Variants in RYR3 observed in about 807,000 individuals in gnomAD.
RYR3 encodes brain ryanodine receptor-calcium release channel.
RYR3 carries 207 observed loss-of-function variants against 584.3 expected under a neutral mutation model. The observed-to-expected ratio is 0.35, with a 90% CI of 0.32 to 0.40. The LOEUF (loss-of-function observed/expected upper bound fraction) is 0.40. Among genes scored for constraint, RYR3 ranks in the 10% least tolerant of loss-of-function variants. The pLI is 1.00. For synonymous variants in RYR3, 2,416 were observed against 2,248.5 expected (o/e 1.07, Z -2.11); for missense variants, 5,616 against 6,089.2 (o/e 0.92, Z 2.59).
intron 72 of RYR3, among the ~76,000 whole-genome samples, chr15:33,811,578 TG>T (rs1240846006): frequency 2.0e-5 from 3 of 152,094 alleles, no homozygotes; most frequent in Non-Finnish European, 4.4e-5. Flanking sequence ...TTTGTTTGTT[TG>T]TTTTTGCCCT....
At chr15:33,549,453 A>G (rs940929231) in intron 9 of RYR3, among the ~76,000 whole-genome samples, 4 of 152,366 alleles carry the variant, frequency 2.6e-5, no homozygotes, top group Admixed American at 6.5e-5. Context: ...AGTATTTTGC[A>G]TATGAGCAAA....
intron 18 of RYR3, among the ~76,000 whole-genome samples, chr15:33,610,488 T>G (rs984771231): frequency 6.6e-6 from 1 of 152,152 alleles, no homozygotes; most frequent in Non-Finnish European, 1.5e-5. Context: ...ATCTGGCACA[T>G]AGGAGAGCCT....
At chr15:33,825,792 G>A in intron 82 of RYR3, 116 bp downstream of exon 82, 1 of 651,162 alleles carries the variant, frequency 1.5e-6, no homozygotes, top group South Asian at 2.0e-5. Context: ...GACTGCAGTG[G>A]CGCGATCTCA....
rs1050931106 is a variant in RYR3 at position 33,523,416 on chromosome 15, C to T, written c.280-7176C>T. 2.6e-5 allele frequency among the ~76,000 whole-genome samples: 4 copies of T among 152,102 alleles called. No homozygotes were observed. The East Asian group carries it at 7.7e-4, about 29-fold the overall frequency. ...AGCTTCATTCCTGAAGTCAGCGAGA[C>T]CACCAACCCACCGGAAGGAGCAAAC... On this transcript the variant is annotated intron_variant, in intron 3 of 103. Coordinates refer to ENST00000634891, the MANE Select transcript of RYR3 (RefSeq NM_001036.6).
At chr15:33,706,086 G>A (rs1487645985) in intron 42 of RYR3, among the ~76,000 whole-genome samples, 1 of 151,964 alleles carries the variant, frequency 6.6e-6, no homozygotes, top group Non-Finnish European at 1.5e-5. Flanking sequence ...AGCCTCCAGG[G>A]AAATGGAAGC....
At chr15:33,352,799 CATG>C (rs997346942) in intron 1 of RYR3, among the ~76,000 whole-genome samples, 5 of 152,318 alleles carry the variant, frequency 3.3e-5, no homozygotes, top group African/African-American at 9.6e-5. Context: ...TCTGTTTACT[CATG>C]GTGGTCATTT....
At position 33,520,333 on chromosome 15, in the gene RYR3, G is replaced by A. The variant is rs573002918; in HGVS notation, c.280-10259G>A. Among the ~76,000 whole-genome samples, 336 of 152,306 alleles carry A rather than the reference G, an allele frequency of 2.2e-3. 1 individual carries two copies. Among genetic ancestry groups the A allele is most frequent in the African/African-American group, 7.8e-3 (326 of 41,556 alleles). The stretch of plus-strand genomic sequence containing the variant: ...GTCAAGGTAATCGGACTTTTTGAAT[G>A]TTAGACTCTTTGTTGGAAATACTCA... On this transcript the variant is annotated intron_variant, in intron 3 of 103. Transcript: ENST00000634891.
intron 7 of RYR3, among the ~76,000 whole-genome samples, chr15:33,542,594 TAA>T (rs2055913092): frequency 6.6e-6 from 1 of 152,110 alleles, no homozygotes; most frequent in Non-Finnish European, 1.5e-5. Flanking sequence ...ACTGAACTCA[TAA>T]CAGACTGTCA....
chr15:33,735,169 G>A (rs758209375), intron 48 of RYR3, among the ~76,000 whole-genome samples: 32 of 152,090 alleles, frequency 2.1e-4, no homozygotes, highest in Admixed American at 3.9e-4. Context: ...CAGACTTATT[G>A]CACTCTTTGT....
chr15:33,764,891 C>T lies in RYR3; in HGVS notation c.8706-3767C>T, dbSNP rs117592337. On this transcript the variant is annotated intron_variant, in intron 60 of 103. Coordinates refer to ENST00000634891, the MANE Select transcript of RYR3 (RefSeq NM_001036.6). ...ACTAAAAATGCAAAAATTAGCTGGG[C>T]GTGAAGCCACGTGCCTGTAATCCCA... Among the ~76,000 whole-genome samples, 149 of 152,006 alleles carry T rather than the reference C, an allele frequency of 9.8e-4. 3 individuals carry two copies. In the East Asian group the frequency reaches 0.028, roughly 28 times the overall value.
chr15:33,694,732 A>G (rs1045515079), intron 38 of RYR3, among the ~76,000 whole-genome samples: 12 of 152,206 alleles, frequency 7.9e-5, no homozygotes, highest in African/African-American at 1.7e-4. Context: ...ATCTAACCTA[A>G]CAGGTATTAG....
At chr15:33,821,013 A>G (rs2077074915) in intron 78 of RYR3, among the ~76,000 whole-genome samples, 1 of 102,712 alleles carries the variant, frequency 9.7e-6, no homozygotes, top group South Asian at 3.8e-4. Context: ...TCCCACAATT[A>G]TGGTATCCAA....
intron 18 of RYR3, among the ~76,000 whole-genome samples, chr15:33,605,410 C>T (rs146049560): frequency 2.4e-4 from 36 of 152,322 alleles, no homozygotes; most frequent in Admixed American, 1.1e-3. Flanking sequence ...GCTCCAGGCT[C>T]ATGCCGAACA....
intron 67 of RYR3, among the ~76,000 whole-genome samples, chr15:33,797,444 G>A (rs2075690303): frequency 6.6e-6 from 1 of 152,100 alleles, no homozygotes; most frequent in Non-Finnish European, 1.5e-5. Context: ...AAAGCTAGGT[G>A]AGGATCTTCC....
chr15:33,469,406 C>T (rs975636454), intron 1 of RYR3, among the ~76,000 whole-genome samples: 1 of 151,958 alleles, frequency 6.6e-6, no homozygotes, highest in Non-Finnish European at 1.5e-5. Context: ...GAAAATAAGG[C>T]CAGAGCTATG....
At chr15:33,406,996 T>C (rs1232900043) in intron 1 of RYR3, among the ~76,000 whole-genome samples, 1 of 152,222 alleles carries the variant, frequency 6.6e-6, no homozygotes, top group Non-Finnish European at 1.5e-5. Flanking sequence ...AATCAAGGCA[T>C]TGGCAGGAAT....
At chr15:33,856,402 G>A (rs1215027566) in intron 98 of RYR3, 2 of 152,338 alleles carry the variant, frequency 1.3e-5, no homozygotes, top group Admixed American at 1.3e-4. Context: ...CTTGAGAGAG[G>A]TCAGATGTGC....
At chr15:33,735,009 A>C (rs891194099) in intron 48 of RYR3, among the ~76,000 whole-genome samples, 4 of 123,738 alleles carry the variant, frequency 3.2e-5, no homozygotes, top group Non-Finnish European at 5.0e-5. Context: ...GGAATTTTAC[A>C]TCAAACAAAA....
At chr15:33,795,329 C>T (rs911885762) in intron 67 of RYR3, among the ~76,000 whole-genome samples, 5 of 151,628 alleles carry the variant, frequency 3.3e-5, no homozygotes, top group African/African-American at 7.3e-5. Context: ...GCTTCGTTTC[C>T]GCATGCCAGG....
Sources: allele counts gnomAD v4.1 joint callset (sites outside exome capture counted in the v4.1 genomes callset), GRCh38; gene constraint gnomAD v4.1.1; transcripts MANE v1.5; gene names NCBI Gene and HGNC (gene_info 2026-07-23, HGNC 2026-07-21).